Variants in CXXC5 observed in about 807,000 individuals in gnomAD.
The protein encoded by CXXC5 is CXXC-type zinc finger protein 5.
A neutral mutation model predicts 17.6 loss-of-function variants in CXXC5; 2 were observed. That is an observed-to-expected ratio of 0.11 (90% CI 0.05 to 0.36). The LOEUF (loss-of-function observed/expected upper bound fraction) is 0.36, where lower values mean the gene tolerates loss of function less well. Ranked by LOEUF, CXXC5 falls within the 10% of genes least tolerant of loss-of-function variation. The pLI, the probability that CXXC5 is intolerant of heterozygous loss-of-function variation, is 1.00. For synonymous variants in CXXC5, 171 were observed against 193.0 expected (o/e 0.89, Z 0.94); for missense variants, 343 against 458.3 (o/e 0.75, Z 2.30).
rs1757174872 is a variant in CXXC5 at position 139,680,921 on chromosome 5, C to T, written c.398C>T (p.Thr133Ile). 6.2e-7 allele frequency: 1 copy of T among 1,602,240 alleles called. No homozygotes were observed. The highest frequency in any genetic ancestry group is 8.5e-7 in the Non-Finnish European group (1 of 1,179,948). The stretch of plus-strand genomic sequence containing the variant: ...ATGGCGGTGGACAAAAGCAACCCTA[C>T]CTCAAAGCACAAAAGTGGTGCTGTG... ...AAMAVDKSNPTSKHKSGAVAS... is the reference protein window; with the variant it reads ...AAMAVDKSNPISKHKSGAVAS... The change falls in exon 2 of 3, where the codon ACC (threonine) becomes ATC (isoleucine). Residue 133 changes from threonine to isoleucine, a missense_variant. Coordinates refer to ENST00000302517, the MANE Select transcript of CXXC5 (RefSeq NM_016463.9).
In CXXC5 at chr5:139,658,133, G is replaced by T. The variant is rs950932180; in HGVS notation, c.-161+9288G>T. Among the ~76,000 whole-genome samples the T allele has an allele frequency of 6.6e-6, 1 of 152,120 alleles. No individual in the cohort carries two copies. Among genetic ancestry groups the T allele is most frequent in the African/African-American group, 2.4e-5 (1 of 41,426 alleles). ...TCTCCTGCCTGACCCACCTCCCCCA[G>T]AACTAGATGGGAAATTAGTTAACTG... On this transcript the variant is annotated intron_variant, in intron 1 of 2. Transcript: ENST00000302517. The surrounding 1 kb of genome is among the most constrained non-coding windows in gnomAD (Gnocchi z 4.1).
chr5:139,680,889 G>A lies in CXXC5; in HGVS notation c.366G>A (p.Ala122=), dbSNP rs771233999. The change falls in exon 2 of 3, where the codon GCG becomes GCA. Residue 122 remains alanine, a synonymous_variant. Transcript: ENST00000302517. ...ASLLANGHDL[A]AAMAVDKSNP... ...TGTTGGCCAATGGGCATGACCTGGC[G>A]GCGGCCATGGCGGTGGACAAAAGCA... 2.2e-5 allele frequency: 35 copies of A among 1,605,284 alleles called. No individual in the cohort carries two copies. Among genetic ancestry groups the A allele is most frequent in the East Asian group, 6.7e-5 (3 of 44,896 alleles).
Position 139,680,425 on chromosome 5 carries a change from A to G in CXXC5, c.-99A>G, listed in dbSNP as rs1757114516. ...CCTGCCCTGAGCAGCGAGGCCCACC[A>G]GGCATCTCTGTTGTGGGCAGCAGGG... On this transcript the variant is annotated 5_prime_UTR_variant, in exon 2 of 3. Transcript: ENST00000302517. 1.4e-6 allele frequency: 2 copies of G among 1,448,240 alleles called. No homozygotes were observed. Among genetic ancestry groups the G allele is most frequent in the Middle Eastern group, 2.5e-4 (1 of 3,996 alleles). 89.7% of individuals were successfully genotyped at this position (1,448,240 alleles called of 1,614,324 possible).
chr5:139,659,051 A>G (rs981294261), intron 1 of CXXC5, among the ~76,000 whole-genome samples: 5 of 152,070 alleles, frequency 3.3e-5, no homozygotes. Context: ...CAGGAAGAGC[A>G]CAGTGGGGGA....
chr5:139,666,645 C>T (rs1438730172), intron 1 of CXXC5, among the ~76,000 whole-genome samples: 1 of 152,210 alleles, frequency 6.6e-6, no homozygotes, highest in African/African-American at 2.4e-5. Flanking sequence ...TTGGGCAGGT[C>T]CCTTAGCTTC....
intron 1 of CXXC5, among the ~76,000 whole-genome samples, chr5:139,653,600 C>T (rs932686600): frequency 1.3e-5 from 2 of 152,156 alleles, no homozygotes; most frequent in African/African-American, 4.8e-5. Flanking sequence ...CCACAGTCCT[C>T]TGTATGTTGA....
rs61690690 is a variant in CXXC5, at chr5:139,669,028, A to G, written c.-160-11336A>G. Among the ~76,000 whole-genome samples the G allele has an allele frequency of 7.9e-3, 1,205 of 152,228 alleles. 15 individuals are homozygous for G. The highest frequency in any genetic ancestry group is 0.027 in the African/African-American group (1,126 of 41,534). On this transcript the variant is annotated intron_variant, in intron 1 of 2. Coordinates refer to ENST00000302517, the MANE Select transcript of CXXC5 (RefSeq NM_016463.9). Reference sequence around the variant, plus strand: ...GTCTGGACCTAGCAGGGCCTGCCTTACTGCCATGAGCCCTGGATGCCAGTG... The same window carrying G: ...GTCTGGACCTAGCAGGGCCTGCCTTGCTGCCATGAGCCCTGGATGCCAGTG...
In CXXC5 at chr5:139,680,753, G is replaced by A; in HGVS notation, c.230G>A (p.Arg77His). The change falls in exon 2 of 3, where the codon CGC becomes CAC. Residue 77 changes from arginine (R) to histidine (H), a missense_variant. Coordinates refer to ENST00000302517, the MANE Select transcript of CXXC5 (RefSeq NM_016463.9). ...EPLNKSLRRS[R>H]PLSHYSSFGS... ...CTCAACAAGAGCCTGCGCCGCTCCC[G>A]CCCGCTCTCCCACTACTCTTCTTTT... is the stretch of plus-strand genomic sequence containing the variant. The A allele has an allele frequency of 1.9e-6, 3 of 1,613,546 alleles. No individual in the cohort carries two copies. The highest frequency in any genetic ancestry group is 1.1e-5 in the South Asian group (1 of 91,086).
Position 139,657,081 on chromosome 5 carries a change from A to G in CXXC5, c.-161+8236A>G, listed in dbSNP as rs564588718. Among the ~76,000 whole-genome samples, 152 of 152,308 alleles carry G rather than the reference A, an allele frequency of 1.0e-3. 1 individual carries two copies. Among genetic ancestry groups the G allele is most frequent in the African/African-American group, 3.4e-3 (143 of 41,562 alleles). ...GCCAGTGGTAATGGGTAGCCCAACG[A>G]AAGTCCTCTCTGTGGCAGGCACCAT... On this transcript the variant is annotated intron_variant, in intron 1 of 2. Coordinates refer to ENST00000302517, the MANE Select transcript of CXXC5 (RefSeq NM_016463.9).
At chr5:139,671,347 A>G (rs1036736881) in intron 1 of CXXC5, among the ~76,000 whole-genome samples, 2 of 151,730 alleles carry the variant, frequency 1.3e-5, no homozygotes, top group African/African-American at 2.4e-5. Flanking sequence ...GTGTGGGCAG[A>G]CTCCAGGCCC....
chr5:139,664,510 G>A (rs182493400), intron 1 of CXXC5, among the ~76,000 whole-genome samples: 1 of 152,234 alleles, frequency 6.6e-6, no homozygotes, highest in East Asian at 1.9e-4. Flanking sequence ...CCTGGGTCAG[G>A]GCTCACTAAA....
At chr5:139,656,947 A>T (rs1040896652) in intron 1 of CXXC5, among the ~76,000 whole-genome samples, 3 of 151,730 alleles carry the variant, frequency 2.0e-5, no homozygotes, top group Admixed American at 1.3e-4. Context: ...CTGGTCTCGA[A>T]CTCCTGACCT....
chr5:139,671,332 A>G (rs1241316354), intron 1 of CXXC5, among the ~76,000 whole-genome samples: 1 of 152,104 alleles, frequency 6.6e-6, no homozygotes, highest in Non-Finnish European at 1.5e-5. Flanking sequence ...TGTTGGAGGA[A>G]TGGGGTGTGG....
At chr5:139,662,902 G>A (rs1755903071) in intron 1 of CXXC5, among the ~76,000 whole-genome samples, 1 of 152,240 alleles carries the variant, frequency 6.6e-6, no homozygotes, top group Admixed American at 6.5e-5. Flanking sequence ...AGGACCTGAA[G>A]TAGATGGTGG....
rs181941485 is a variant in CXXC5, at chr5:139,677,751, A to G, written c.-160-2613A>G. Among the ~76,000 whole-genome samples, 471 of 152,374 alleles carry G rather than the reference A, an allele frequency of 3.1e-3. 1 individual carries two copies. The highest frequency in any genetic ancestry group is 3.4e-3 in the Middle Eastern group (1 of 294). On this transcript the variant is annotated intron_variant, in intron 1 of 2. Coordinates refer to ENST00000302517, the MANE Select transcript of CXXC5 (RefSeq NM_016463.9). ...AAGAAGGATAGAATAGTGGAAGATC[A>G]GAGAAATTCCAAGAGAGGAACAGAA...
At chr5:139,679,508 G>C (rs561349248) in intron 1 of CXXC5, among the ~76,000 whole-genome samples, 1 of 152,140 alleles carries the variant, frequency 6.6e-6, no homozygotes, top group African/African-American at 2.4e-5. Flanking sequence ...AGGTTCCTTT[G>C]CCTGCAGGAC....
At chr5:139,682,782 C>A in intron 2 of CXXC5, 81 bp from the exon 3 acceptor site, 1 of 1,387,218 alleles carries the variant, frequency 7.2e-7, no homozygotes, top group South Asian at 1.4e-5. Context: ...ATGAGGCCAT[C>A]CATGGGGGAA....
intron 1 of CXXC5, among the ~76,000 whole-genome samples, chr5:139,672,011 G>A (rs1238369115): frequency 2.6e-5 from 4 of 152,244 alleles, no homozygotes; most frequent in Admixed American, 6.5e-5. Flanking sequence ...AATTGTAGTA[G>A]AATCCGGTGA....
chr5:139,656,341 G>A (rs1394808828), intron 1 of CXXC5, among the ~76,000 whole-genome samples: 12 of 152,258 alleles, frequency 7.9e-5, no homozygotes, highest in African/African-American at 2.4e-4. Context: ...GGTGGTGTCA[G>A]GTGGGGGCCT....
Sources: gnomAD v4.1 joint callset for allele counts (sites outside exome capture counted in the v4.1 genomes callset) on GRCh38, gnomAD v4.1.1 for gene constraint, Gnocchi (gnomAD v3.1) non-coding constraint, MANE v1.5 for transcripts, NCBI Gene and HGNC (gene_info 2026-07-23, HGNC 2026-07-21) for gene names.